RIOK3: variants seen among roughly 807,000 people sequenced by gnomAD.
RIOK3 encodes the protein serine/threonine-protein kinase RIO3.
In RIOK3, 40 loss-of-function variants were observed where a neutral mutation model predicts 63.5. That is an observed-to-expected ratio of 0.63 (90% CI 0.49 to 0.82). The LOEUF (loss-of-function observed/expected upper bound fraction) is 0.82, where lower values mean the gene tolerates loss of function less well. RIOK3 is among the 40% of genes least tolerant of loss of function. The pLI is 0.00. For synonymous variants in RIOK3, 193 were observed against 205.0 expected, an observed-to-expected ratio of 0.94 and a Z score of 0.50; for missense variants, 557 against 637.0, an observed-to-expected ratio of 0.87 and a Z score of 1.35.
At chr18:23,477,128 A>G (rs2057496594) in intron 10 of RIOK3, 42 bp downstream of exon 10, 1 of 1,610,212 alleles carries the variant, frequency 6.2e-7, no homozygotes, top group East Asian at 2.2e-5. Context: ...TAATTACTGT[A>G]AGTAAAATTT....
intron 9 of RIOK3, among the ~76,000 whole-genome samples, chr18:23,476,636 G>T (rs1400074530): frequency 2.0e-4 from 3 of 14,884 alleles, no homozygotes; most frequent in Admixed American, 9.0e-4. Flanking sequence ...GGGGCTGGGC[G>T]CAGTGCTCAC....
chr18:23,455,809 T>G (rs971648187), intron 1 of RIOK3, among the ~76,000 whole-genome samples: 3 of 151,258 alleles, frequency 2.0e-5, no homozygotes, highest in East Asian at 3.9e-4. Context: ...AATTTTTGGG[T>G]TTTTTTTGAG....
In RIOK3 at chr18:23,466,247, C is replaced by A; in HGVS notation, c.658C>A (p.Leu220Ile). 1 of 1,609,128 alleles carries A rather than the reference C, an allele frequency of 6.2e-7. No homozygotes were observed. The highest frequency in any genetic ancestry group is 8.5e-7 in the Non-Finnish European group (1 of 1,178,144). ...AYSEERRSAR[L>I]HEKKEHSTAE... ...CTCAGAAGAACGTCGAAGTGCCCGC[C>A]TACATGAGAAAAAGGAGCATTCTAC... Residue 220 changes from leucine to isoleucine, a missense_variant, in exon 6 of 13, where the codon CTA (leucine) becomes ATA (isoleucine). Leu to Ile is a conservative substitution (Grantham distance 5, BLOSUM62 2). This residue lies in a region of RIOK3 where 243 missense variants were observed against 275.4 expected (regional missense o/e 0.88). Transcript: ENST00000339486.
chr18:23,454,348 C>G (rs1170911159), intron 1 of RIOK3, among the ~76,000 whole-genome samples: 1 of 152,212 alleles, frequency 6.6e-6, no homozygotes, highest in Non-Finnish European at 1.5e-5. Flanking sequence ...GATCTTCAGG[C>G]TAGGCCTTAA....
At chr18:23,467,049 C>T (rs2057413642) in intron 6 of RIOK3, among the ~76,000 whole-genome samples, 2 of 151,822 alleles carry the variant, frequency 1.3e-5, no homozygotes, top group African/African-American at 4.8e-5. Context: ...GGCGTGGTGG[C>T]TCACACCTAT....
At chr18:23,472,862 G>T (rs367910455) in intron 7 of RIOK3, among the ~76,000 whole-genome samples, 1 of 152,122 alleles carries the variant, frequency 6.6e-6, no homozygotes, top group Non-Finnish European at 1.5e-5. Context: ...TGTTCATGCT[G>T]TTCAAATCCT....
intron 8 of RIOK3, 32 bp downstream of exon 8, chr18:23,473,658 G>A (rs1488549908): frequency 1.3e-6 from 2 of 1,503,634 alleles, no homozygotes; most frequent in Non-Finnish European, 1.8e-6. Context: ...ACGTAATCTT[G>A]GGTAAATACC....
chr18:23,468,621 C>CT (rs1333737894), intron 7 of RIOK3, among the ~76,000 whole-genome samples: 10 of 152,034 alleles, frequency 6.6e-5, no homozygotes, highest in African/African-American at 2.2e-4. Context: ...TTAATATACT[C>CT]TAATATAATA....
intron 1 of RIOK3, among the ~76,000 whole-genome samples, chr18:23,460,567 T>C (rs560836852): frequency 2.0e-5 from 3 of 152,230 alleles, no homozygotes; most frequent in Non-Finnish European, 4.4e-5. Flanking sequence ...GTTATGTATA[T>C]TTAACCAAGT....
At chr18:23,466,326 T>C in intron 6 of RIOK3, 50 bp downstream of exon 6, 1 of 1,396,700 alleles carries the variant, frequency 7.2e-7, no homozygotes, top group Non-Finnish European at 9.6e-7. Context: ...AAGATTCATA[T>C]TAGAAAACTT....
intron 7 of RIOK3, among the ~76,000 whole-genome samples, chr18:23,470,512 A>C (rs2057449712): frequency 6.6e-6 from 1 of 152,148 alleles, no homozygotes; most frequent in African/African-American, 2.4e-5. Context: ...ATCTTTTAAA[A>C]GAGACTAGAA....
chr18:23,477,632 AG>A (rs773860413), intron 11 of RIOK3, among the ~76,000 whole-genome samples: 1 of 151,364 alleles, frequency 6.6e-6, no homozygotes, highest in Non-Finnish European at 1.5e-5. Context: ...GCATGGTGGC[AG>A]GCGCCTGTAA....
At chr18:23,479,554 T>G in intron 12 of RIOK3, 130 bp downstream of exon 12, 2 of 588,062 alleles carry the variant, frequency 3.4e-6, no homozygotes, top group South Asian at 2.3e-5. Context: ...TTTTCTTTTC[T>G]TAAGATGTTT....
In RIOK3 at chr18:23,474,956, G is replaced by A. The variant is rs1272632409; in HGVS notation, c.1022G>A (p.Arg341Lys). 1 of 1,607,518 alleles carries A rather than the reference G, an allele frequency of 6.2e-7. No homozygotes were observed. Among genetic ancestry groups the A allele is most frequent in the South Asian group, 1.1e-5 (1 of 90,806 alleles). Residue 341 changes from arginine (R) to lysine (K), a missense_variant, in exon 9 of 13, where the codon AGA becomes AAA. Transcript: ENST00000339486. ...CATTTCTTTATGTATAGAATGCAGA[G>A]AGCTGGAATTCCTTGTCCAACAGTT... ...KEMHNLARMQ[R>K]AGIPCPTVVL...
Position 23,463,999 on chromosome 18 carries a change from A to C in RIOK3, c.212A>C (p.Asn71Thr). 1 of 1,611,218 alleles carries C rather than the reference A, an allele frequency of 6.2e-7. No individual in the cohort carries two copies. The highest frequency in any genetic ancestry group is 2.2e-5 in the East Asian group (1 of 44,872). Reference sequence around the variant, plus strand: ...GAAGGACCATTTATTACTGGAGAAAACATTGATACTTCCAGTGACCTTATG... The same window carrying C: ...GAAGGACCATTTATTACTGGAGAAACCATTGATACTTCCAGTGACCTTATG... Reference protein sequence around the residue: ...VAEGPFITGENIDTSSDLMLA... With the variant: ...VAEGPFITGETIDTSSDLMLA... Residue 71 changes from asparagine to threonine, a missense_variant, in exon 3 of 13, where the codon AAC becomes ACC. This residue lies in a region of RIOK3 where 243 missense variants were observed against 275.4 expected (regional missense o/e 0.88). Transcript: ENST00000339486.
At position 23,477,058 on chromosome 18, in the gene RIOK3, A is replaced by C. The variant is rs777419593; in HGVS notation, c.1226A>C (p.Glu409Ala). The change falls in exon 10 of 13, where the codon GAG (glutamate) becomes GCG (alanine). Residue 409 changes from glutamate (E) to alanine (A), a missense_variant. This residue lies in a region of RIOK3 where 309 missense variants were observed against 338.7 expected (regional missense o/e 0.91). Transcript: ENST00000339486. ...ACGCTTGTCCATGCTGACCTCAGTG[A>C]GTATAACATGCTGTGGCATGCTGGA... ...ECTLVHADLS[E>A]YNMLWHAGKV... 3.7e-6 allele frequency: 6 copies of C among 1,614,010 alleles called. No individual in the cohort carries two copies. Among genetic ancestry groups the C allele is most frequent in the Non-Finnish European group, 5.1e-6 (6 of 1,179,896 alleles).
intron 7 of RIOK3, among the ~76,000 whole-genome samples, chr18:23,469,719 C>T (rs1326112618): frequency 6.6e-6 from 1 of 151,990 alleles, no homozygotes; most frequent in East Asian, 1.9e-4. Flanking sequence ...AATTCCTGAC[C>T]TTGTGATCCA....
Position 23,453,362 on chromosome 18 carries a change from C to A in RIOK3, c.-78C>A. ...GCATCAGCAGCCAGTCGCCCGTGTCCCGCCTGTCTCCTCGGCGGAGCCTGC... is the reference window on the plus strand; with the variant it reads ...GCATCAGCAGCCAGTCGCCCGTGTCACGCCTGTCTCCTCGGCGGAGCCTGC... On this transcript the variant is annotated 5_prime_UTR_variant, in exon 1 of 13. Transcript: ENST00000339486. 8.1e-7 allele frequency: 1 copy of A among 1,228,616 alleles called. No individual in the cohort carries two copies. Among genetic ancestry groups the A allele is most frequent in the Non-Finnish European group, 1.2e-6 (1 of 834,148 alleles). 76.1% of individuals were successfully genotyped at this position (1,228,616 alleles called of 1,614,324 possible).
chr18:23,466,111 T>A, intron 5 of RIOK3, 22 bp from the exon 6 acceptor site: 1 of 1,555,576 alleles, frequency 6.4e-7, no homozygotes, highest in Non-Finnish European at 8.7e-7. Context: ...AATATTTAGA[T>A]GCTAATTCTT....
Sources: allele counts gnomAD v4.1 joint callset (sites outside exome capture counted in the v4.1 genomes callset), GRCh38; gene constraint gnomAD v4.1.1; regional missense constraint gnomAD v4.1.1; transcripts MANE v1.5; gene names NCBI Gene and HGNC (gene_info 2026-07-23, HGNC 2026-07-21).